The following MYH13 variants were observed in gnomAD, a reference collection of about 807,000 sequenced individuals.
MYH13 encodes the protein myosin heavy chain 13.
In MYH13, 177 loss-of-function variants were observed where a neutral mutation model predicts 232.1. That is an observed-to-expected ratio of 0.76 (90% confidence interval 0.67 to 0.86). The LOEUF (loss-of-function observed/expected upper bound fraction) is 0.86, where lower values mean the gene tolerates loss of function less well. Among genes scored for constraint, MYH13 ranks in the 40% least tolerant of loss-of-function variants. MYH13 has a pLI of 0.00. For missense variants in MYH13, 2,246 were observed against 2,405.9 expected (o/e 0.93, Z 1.39); for synonymous variants, 884 against 923.5 (o/e 0.96, Z 0.78).
chr17:10,320,777 G>A (rs887105808), intron 24 of MYH13, among the ~76,000 whole-genome samples: 2 of 152,176 alleles, frequency 1.3e-5, no homozygotes, highest in Non-Finnish European at 2.9e-5. Flanking sequence ...TCCCTGTAGG[G>A]GTATGGTACC....
At chr17:10,327,016 T>TTTTTTTTTG in intron 22 of MYH13, among the ~76,000 whole-genome samples, 1 of 36,084 alleles carries the variant, frequency 2.8e-5, no homozygotes, top group Non-Finnish European at 6.1e-5. Context: ...TTTTTTTTTT[T>TTTTTTTTTG]TTTGAGACGG....
chr17:10,314,661 T>G (rs1388974816), intron 29 of MYH13, among the ~76,000 whole-genome samples: 1 of 152,148 alleles, frequency 6.6e-6, no homozygotes, highest in African/African-American at 2.4e-5. Flanking sequence ...TTGGGAAAAT[T>G]CCAAAAGATT....
intron 2 of MYH13, among the ~76,000 whole-genome samples, chr17:10,370,439 CT>C (rs1369998619): frequency 6.6e-6 from 1 of 152,230 alleles, no homozygotes; most frequent in Non-Finnish European, 1.5e-5. Flanking sequence ...AGCCTCTTCT[CT>C]GTTCCAAGAG....
At chr17:10,328,266 C>T (rs534007227) in intron 21 of MYH13, 145 bp from the exon 22 acceptor site, 326 of 880,694 alleles carry the variant, frequency 3.7e-4, no homozygotes, top group Non-Finnish European at 5.1e-4. Flanking sequence ...CCTCTGGATC[C>T]AGAGTAGGTC....
chr17:10,359,232 C>T (rs1162285965), intron 7 of MYH13, among the ~76,000 whole-genome samples: 1 of 152,140 alleles, frequency 6.6e-6, no homozygotes, highest in African/African-American at 2.4e-5. Flanking sequence ...GAACTTTCAG[C>T]CCTATTCCTG....
At chr17:10,361,252 T>C (rs1002210635) in intron 5 of MYH13, among the ~76,000 whole-genome samples, 3 of 152,244 alleles carry the variant, frequency 2.0e-5, no homozygotes, top group East Asian at 1.9e-4. Context: ...CATTAGATGA[T>C]TTTTAAGCAT....
intron 22 of MYH13, 111 bp downstream of exon 22, chr17:10,327,755 T>C: frequency 7.3e-7 from 1 of 1,371,078 alleles, no homozygotes. Context: ...ACATGACCAC[T>C]GGGTGGCACC....
At chr17:10,361,872 C>A (rs993034596) in intron 5 of MYH13, among the ~76,000 whole-genome samples, 2 of 152,204 alleles carry the variant, frequency 1.3e-5, no homozygotes, top group Non-Finnish European at 2.9e-5. Flanking sequence ...GGTAGGGCAT[C>A]TCCTTGTGTT....
rs554095099 is a variant in MYH13 at position 10,333,101 on chromosome 17, C to T, written c.2147G>A (p.Arg716Gln). 2.4e-4 allele frequency: 366 copies of T among 1,551,554 alleles called. 11 individuals are homozygous for T. In the South Asian group the frequency reaches 4.1e-3, roughly 17 times the overall value. The change falls in exon 19 of 41, where the codon CGG (arginine) becomes CAG (glutamine). Residue 716 changes from arginine to glutamine, a missense_variant. Coordinates refer to ENST00000252172, the MANE Select transcript of MYH13 (RefSeq NM_003802.3). ...CTGCTTGAAGTCAGCATAGAGGATC[C>T]GGCTGGGGAATCCCTTCCTGCAAAT... is the stretch of plus-strand genomic sequence containing the variant. ...IRICRKGFPS[R>Q]ILYADFKQRY...
chr17:10,348,530 G>T (rs916479835), intron 12 of MYH13, among the ~76,000 whole-genome samples: 19 of 152,188 alleles, frequency 1.2e-4, no homozygotes, highest in African/African-American at 3.6e-4. Context: ...TATCGTCATT[G>T]ATATCATTGG....
At chr17:10,370,593 C>G (rs1039727306) in intron 2 of MYH13, among the ~76,000 whole-genome samples, 10 of 152,146 alleles carry the variant, frequency 6.6e-5, no homozygotes, top group African/African-American at 2.4e-4. Flanking sequence ...TCTGTTTACC[C>G]TCTGTGTACC....
chr17:10,350,883 ACTATGGG>A, intron 11 of MYH13, 189 bp from the exon 12 acceptor site: 2 of 675,934 alleles, frequency 3.0e-6, no homozygotes, highest in Admixed American at 4.2e-5. Context: ...GTGGGTGAAG[ACTATGGG>A]AAAAAGATGT....
In MYH13 at chr17:10,309,658, C is replaced by A; in HGVS notation, c.4829G>T (p.Arg1610Leu). ...TAGCCTCAGGGCGTCGTTCCGGCTG[C>A]GGATTTCAGCATCCAGCACGCTCTG... ...ALQSVLDAEIRSRNDALRLKK... is the reference protein window; with the variant it reads ...ALQSVLDAEILSRNDALRLKK... Residue 1610 changes from arginine (R) to leucine (L), a missense_variant, in exon 34 of 41, where the codon CGC (arginine) becomes CTC (leucine). Arg to Leu is a moderately radical substitution (Grantham distance 102, BLOSUM62 -2). Coordinates refer to ENST00000252172, the MANE Select transcript of MYH13 (RefSeq NM_003802.3). 1 of 1,610,922 alleles carries A rather than the reference C, an allele frequency of 6.2e-7. No homozygotes were observed. Among genetic ancestry groups the A allele is most frequent in the Non-Finnish European group, 8.5e-7 (1 of 1,178,572 alleles).
At chr17:10,320,987 A>C (rs895821440) in intron 24 of MYH13, among the ~76,000 whole-genome samples, 1 of 152,106 alleles carries the variant, frequency 6.6e-6, no homozygotes, top group Non-Finnish European at 1.5e-5. Flanking sequence ...GGAGGAGCAC[A>C]CCTACCCTGG....
chr17:10,343,774 G>A (rs1597384876), intron 16 of MYH13, 26 bp downstream of exon 16: 1 of 1,558,612 alleles, frequency 6.4e-7, no homozygotes, highest in African/African-American at 1.4e-5. Context: ...ACGTCCCACA[G>A]AGGGAAAGAA....
intron 27 of MYH13, 27 bp from the exon 28 acceptor site, chr17:10,316,052 A>T (rs772919858): frequency 6.2e-7 from 1 of 1,612,730 alleles, no homozygotes; most frequent in East Asian, 2.2e-5. Flanking sequence ...GTCAACACGA[A>T]TGGGAAGAAA....
chr17:10,327,779 T>C (rs574836626), intron 22 of MYH13, 87 bp downstream of exon 22: 1 of 1,527,658 alleles, frequency 6.5e-7, no homozygotes, highest in Non-Finnish European at 8.9e-7. Flanking sequence ...GTCTCTCGAA[T>C]AGACACCTGA....
intron 12 of MYH13, among the ~76,000 whole-genome samples, chr17:10,347,319 C>T (rs915120537): frequency 7.2e-5 from 11 of 152,036 alleles, no homozygotes; most frequent in African/African-American, 4.8e-5. Flanking sequence ...GAGCCAAGAT[C>T]GTGCCATTGA....
chr17:10,355,951 G>T (rs1189399131), intron 8 of MYH13, among the ~76,000 whole-genome samples: 2 of 147,706 alleles, frequency 1.4e-5, no homozygotes, highest in African/African-American at 5.0e-5. Flanking sequence ...TGGCTCAGAG[G>T]CCCGGGCTCA....
Sources: gnomAD v4.1 joint callset for allele counts (sites outside exome capture counted in the v4.1 genomes callset) on GRCh38, gnomAD v4.1.1 for gene constraint, MANE v1.5 for transcripts, NCBI Gene and HGNC (gene_info 2026-07-23, HGNC 2026-07-21) for gene names.